Variants in CACNA2D3 observed in about 807,000 individuals in gnomAD.
The protein encoded by CACNA2D3 is voltage-dependent calcium channel subunit alpha-2/delta-3.
CACNA2D3 carries 60 observed loss-of-function variants against 160.6 expected under a neutral mutation model. The ratio of observed to expected loss-of-function variants is 0.37; its 90% CI spans 0.30 to 0.46. CACNA2D3 has a LOEUF of 0.46. CACNA2D3 is among the 20% of genes least tolerant of loss of function. The probability of loss-of-function intolerance (pLI) is 1.00; values close to 1 mark genes in which losing one functional copy is unlikely to be tolerated. For missense variants in CACNA2D3, 1,205 were observed against 1,365.0 expected, an observed-to-expected ratio of 0.88 and a Z score of 1.85; for synonymous variants, 558 against 492.9, an observed-to-expected ratio of 1.13 and a Z score of -1.75.
chr3:55,017,057 A>C (rs1164883517), intron 34 of CACNA2D3, among the ~76,000 whole-genome samples: 1 of 152,226 alleles, frequency 6.6e-6, no homozygotes, highest in Non-Finnish European at 1.5e-5. Context: ...GTAACATGAG[A>C]GTTTGTTCAC....
intron 35 of CACNA2D3, among the ~76,000 whole-genome samples, chr3:55,053,218 G>T (rs1704272511): frequency 1.3e-5 from 2 of 151,838 alleles, no homozygotes; most frequent in Non-Finnish European, 2.9e-5. Context: ...CGATGAGCTT[G>T]TATTTTCTAG....
intron 17 of CACNA2D3, among the ~76,000 whole-genome samples, chr3:54,869,474 G>T (rs1393346168): frequency 6.6e-6 from 1 of 152,204 alleles, no homozygotes; most frequent in East Asian, 1.9e-4. Context: ...TACAATAAAT[G>T]TGCATTGAAT....
At chr3:54,489,169 C>T (rs573823472) in intron 4 of CACNA2D3, among the ~76,000 whole-genome samples, 2 of 152,296 alleles carry the variant, frequency 1.3e-5, no homozygotes, top group Admixed American at 1.3e-4. Context: ...AGGATCTTGT[C>T]TTGTGTCCTA....
At chr3:54,293,781 A>G (rs888534386) in intron 2 of CACNA2D3, among the ~76,000 whole-genome samples, 6 of 152,168 alleles carry the variant, frequency 3.9e-5, no homozygotes, top group African/African-American at 1.4e-4. Context: ...TGTGGTTGCC[A>G]GAGGTTTGGG....
chr3:54,726,723 G>A (rs944853459), intron 11 of CACNA2D3, among the ~76,000 whole-genome samples: 1 of 152,176 alleles, frequency 6.6e-6, no homozygotes, highest in Non-Finnish European at 1.5e-5. Context: ...GCAGAAAACT[G>A]AAACTGGACC....
At chr3:54,685,261 C>G (rs540979471) in intron 11 of CACNA2D3, among the ~76,000 whole-genome samples, 1 of 152,274 alleles carries the variant, frequency 6.6e-6, no homozygotes, top group East Asian at 1.9e-4. Flanking sequence ...AATCGGAGGT[C>G]CTCAAAGTTT....
chr3:54,462,358 T>C (rs915041062), intron 4 of CACNA2D3, among the ~76,000 whole-genome samples: 2 of 152,214 alleles, frequency 1.3e-5, no homozygotes, highest in African/African-American at 4.8e-5. Context: ...CTGATCTGTC[T>C]AATGTTGACA....
At chr3:54,405,077 A>C (rs1232934316) in intron 4 of CACNA2D3, among the ~76,000 whole-genome samples, 1 of 148,884 alleles carries the variant, frequency 6.7e-6, no homozygotes, top group East Asian at 2.0e-4. Context: ...TAAAATGTCT[A>C]TACTATACTA....
At chr3:54,918,314 G>C (rs985016203) in intron 27 of CACNA2D3, 1 of 769,512 alleles carries the variant, frequency 1.3e-6, no homozygotes, top group East Asian at 2.6e-5. Flanking sequence ...ATTTTTTACA[G>C]ACACATCTTT....
At chr3:55,037,735 G>A (rs358492) in intron 35 of CACNA2D3, among the ~76,000 whole-genome samples, 6 of 151,946 alleles carry the variant, frequency 3.9e-5, no homozygotes, top group Admixed American at 1.3e-4. Context: ...ATAAATTGTC[G>A]TCTGTGATGT....
At chr3:54,285,480 C>G (rs937380501) in intron 2 of CACNA2D3, among the ~76,000 whole-genome samples, 1 of 152,210 alleles carries the variant, frequency 6.6e-6, no homozygotes, top group Non-Finnish European at 1.5e-5. Context: ...GCCTGCCTGC[C>G]TCTGTAGGCT....
chr3:54,139,771 A>G (rs1435946306), intron 2 of CACNA2D3, among the ~76,000 whole-genome samples: 1 of 152,226 alleles, frequency 6.6e-6, no homozygotes, highest in Non-Finnish European at 1.5e-5. Flanking sequence ...AAAAGCCAGC[A>G]TTCATTCAAC....
At chr3:54,211,506 T>C (rs1701370496) in intron 2 of CACNA2D3, among the ~76,000 whole-genome samples, 5 of 152,230 alleles carry the variant, frequency 3.3e-5, no homozygotes, top group Admixed American at 3.3e-4. Context: ...TGATAGATCC[T>C]GCTAAACTGA....
intron 5 of CACNA2D3, among the ~76,000 whole-genome samples, chr3:54,509,424 C>A (rs1701423864): frequency 6.6e-6 from 1 of 152,110 alleles, no homozygotes. Flanking sequence ...GGATTCTGAA[C>A]TAAAGCATTT....
intron 35 of CACNA2D3, among the ~76,000 whole-genome samples, chr3:55,064,233 A>G (rs1704583716): frequency 1.3e-5 from 2 of 152,246 alleles, no homozygotes; most frequent in South Asian, 2.1e-4. Flanking sequence ...GGGCACAGCC[A>G]GTCTACAAGG....
chr3:54,760,642 T>C (rs1336788092), intron 12 of CACNA2D3, among the ~76,000 whole-genome samples: 1 of 151,992 alleles, frequency 6.6e-6, no homozygotes, highest in African/African-American at 2.4e-5. Flanking sequence ...GGGTGAGAGA[T>C]GATGGCATCT....
chr3:54,417,793 T>TG (rs1421573080), intron 4 of CACNA2D3, among the ~76,000 whole-genome samples: 1 of 50,220 alleles, frequency 2.0e-5, no homozygotes, highest in African/African-American at 1.2e-4. Flanking sequence ...TATCTGTGTG[T>TG]GTGGGGGGGG....
chr3:54,821,692 CTTT>C (rs1559594961), intron 14 of CACNA2D3, among the ~76,000 whole-genome samples: 3,143 of 126,210 alleles, frequency 0.025, 132 homozygotes, highest in African/African-American at 0.069. Context: ...TTCTTTCTTT[CTTT>C]CTTTCCTTCC....
chr3:54,294,676 C>T (rs1703299005), intron 2 of CACNA2D3, among the ~76,000 whole-genome samples: 1 of 152,160 alleles, frequency 6.6e-6, no homozygotes, highest in Non-Finnish European at 1.5e-5. Flanking sequence ...TTTTCTGTCA[C>T]CCTAACTTTC....
Sources: allele counts gnomAD v4.1 joint callset (sites outside exome capture counted in the v4.1 genomes callset), GRCh38; gene constraint gnomAD v4.1.1; transcripts MANE v1.5; gene names NCBI Gene and HGNC (gene_info 2026-07-23, HGNC 2026-07-21).